The following PAK5 variants were observed in gnomAD, a reference collection of about 807,000 sequenced individuals.
PAK5 encodes the protein p21 (RAC1) activated kinase 5, also known as serine/threonine-protein kinase PAK 5.
Under a neutral mutation model 65.9 loss-of-function variants are expected in PAK5, and 16 were observed. That is an observed-to-expected ratio of 0.24 (90% confidence interval 0.16 to 0.37). The LOEUF is 0.37. PAK5 is among the 10% of genes least tolerant of loss of function. The pLI, the probability that PAK5 is intolerant of heterozygous loss-of-function variation, is 1.00. For synonymous variants in PAK5, 371 were observed against 354.9 expected (o/e 1.05, Z -0.51); for missense variants, 785 against 903.9 (o/e 0.87, Z 1.69).
Position 9,722,461 on chromosome 20 carries a change from A to C in PAK5, c.-161-11026T>G, listed in dbSNP as rs1046568853. On this transcript the variant is annotated intron_variant, in intron 1 of 9. Coordinates refer to ENST00000353224, the MANE Select transcript of PAK5 (RefSeq NM_177990.4). ...CCCCGTCTCTACTAAAACTACAAAA[A>C]ATTAGCTGGGCATGGTGGCGGGCGC... is the stretch of plus-strand genomic sequence containing the variant. Among the ~76,000 whole-genome samples, 50 of 151,804 alleles carry C rather than the reference A, an allele frequency of 3.3e-4. 1 individual carries two copies. The highest frequency in any genetic ancestry group is 1.2e-3 in the African/African-American group (49 of 41,412).
Position 9,539,088 on chromosome 20 carries a change from CT to C in PAK5, c.*373del, listed in dbSNP as rs556134977. 19,443 of 206,736 alleles carry C rather than the reference CT, an allele frequency of 0.094. 2 individuals are homozygous for C. The highest frequency in any genetic ancestry group is 0.19 in the Middle Eastern group (130 of 694). 12.8% of individuals were successfully genotyped at this position (206,736 alleles called of 1,614,324 possible). On this transcript the variant is annotated 3_prime_UTR_variant, in exon 10 of 10. Coordinates refer to ENST00000353224, the MANE Select transcript of PAK5 (RefSeq NM_177990.4). The stretch of plus-strand genomic sequence containing the variant: ...AAGTGCTTTTTGTTTTCCTTTCTTT[CT>C]TTTTTTTTTTTTTTTGCCAGAAAAG...
chr20:9,798,407 G>A (rs1664396126), intron 1 of PAK5, among the ~76,000 whole-genome samples: 1 of 152,120 alleles, frequency 6.6e-6, no homozygotes, highest in South Asian at 2.1e-4. Flanking sequence ...AGGATTCAAA[G>A]TACAGGGTTG....
intron 3 of PAK5, among the ~76,000 whole-genome samples, chr20:9,589,901 G>T (rs976770040): frequency 3.3e-5 from 5 of 151,962 alleles, no homozygotes; most frequent in Non-Finnish European, 7.4e-5. Context: ...GCAAACTTAG[G>T]TTACTCATAA....
At chr20:9,550,762 T>TGTGTG (rs2045415421) in intron 7 of PAK5, among the ~76,000 whole-genome samples, 2 of 107,722 alleles carry the variant, frequency 1.9e-5, no homozygotes, top group African/African-American at 9.9e-5. Flanking sequence ...GTGTGTGTGT[T>TGTGTG]TATTTCCAAA....
chr20:9,646,239 C>A (rs2047133233), intron 2 of PAK5, among the ~76,000 whole-genome samples: 1 of 152,178 alleles, frequency 6.6e-6, no homozygotes, highest in South Asian at 2.1e-4. Flanking sequence ...TCTTCCCATG[C>A]CTTCCAGTTT....
chr20:9,619,238 CTGT>C (rs1346192496), intron 3 of PAK5, among the ~76,000 whole-genome samples: 1 of 151,992 alleles, frequency 6.6e-6, no homozygotes, highest in Non-Finnish European at 1.5e-5. Flanking sequence ...CTATTGTTTA[CTGT>C]TGTTTTACTT....
chr20:9,806,510 T>C (rs1052864970), intron 1 of PAK5, among the ~76,000 whole-genome samples: 1 of 152,188 alleles, frequency 6.6e-6, no homozygotes, highest in African/African-American at 2.4e-5. Flanking sequence ...CCTATATCTA[T>C]ATCCCTTATT....
chr20:9,648,755 A>C (rs2047167179), intron 2 of PAK5, among the ~76,000 whole-genome samples: 1 of 152,230 alleles, frequency 6.6e-6, no homozygotes, highest in African/African-American at 2.4e-5. Flanking sequence ...ACAAGCTTTT[A>C]ATCACTTGTG....
chr20:9,605,165 G>A (rs2046430264), intron 3 of PAK5, among the ~76,000 whole-genome samples: 1 of 152,224 alleles, frequency 6.6e-6, no homozygotes, highest in East Asian at 1.9e-4. Flanking sequence ...GTCAAATGCA[G>A]GTCAGAGAAG....
At chr20:9,830,718 C>T (rs548984269) in intron 1 of PAK5, among the ~76,000 whole-genome samples, 115 of 152,344 alleles carry the variant, frequency 7.5e-4, no homozygotes, top group African/African-American at 2.7e-3. Context: ...CAACATGTCA[C>T]TACTGGCTCC....
chr20:9,782,290 G>A (rs2048948850), intron 1 of PAK5, among the ~76,000 whole-genome samples: 1 of 152,072 alleles, frequency 6.6e-6, no homozygotes, highest in African/African-American at 2.4e-5. Context: ...GGGCCATCCT[G>A]TTTATTACTG....
At chr20:9,556,062 TGGC>T (rs1304469970) in intron 7 of PAK5, among the ~76,000 whole-genome samples, 2 of 152,232 alleles carry the variant, frequency 1.3e-5, no homozygotes, top group African/African-American at 4.8e-5. Context: ...GCACAAATAC[TGGC>T]TCAGAGATAA....
rs2048093714 is a variant in PAK5 at position 9,712,803 on chromosome 20, C to T, written c.-161-1368G>A. On this transcript the variant is annotated intron_variant, in intron 1 of 9. Coordinates refer to ENST00000353224, the MANE Select transcript of PAK5 (RefSeq NM_177990.4). ...TGTTTAATAAATGATGCTAGGAAAA[C>T]CTGATATACATATACAGAAGAATGA... 2.0e-5 allele frequency among the ~76,000 whole-genome samples: 3 copies of T among 152,188 alleles called. 1 individual carries two copies. The South Asian group carries it at 6.2e-4, about 32-fold the overall frequency.
chr20:9,664,041 G>A (rs1043542709), intron 2 of PAK5, among the ~76,000 whole-genome samples: 19 of 152,138 alleles, frequency 1.2e-4, no homozygotes, highest in Non-Finnish European at 5.9e-5. Flanking sequence ...AGGCAGCTAC[G>A]AATAAGTGCA....
chr20:9,604,581 C>G (rs1302741842), intron 3 of PAK5, among the ~76,000 whole-genome samples: 1 of 152,184 alleles, frequency 6.6e-6, no homozygotes, highest in Non-Finnish European at 1.5e-5. Flanking sequence ...AGCCAGGTCT[C>G]TCTAGAGCCA....
At chr20:9,574,259 C>T (rs1264243041) in intron 4 of PAK5, among the ~76,000 whole-genome samples, 8 of 152,152 alleles carry the variant, frequency 5.3e-5, no homozygotes, top group Non-Finnish European at 1.2e-4. Context: ...GCTCATGACC[C>T]TACAAACTAG....
At chr20:9,827,858 G>C (rs574565726) in intron 1 of PAK5, among the ~76,000 whole-genome samples, 107 of 152,300 alleles carry the variant, frequency 7.0e-4, no homozygotes, top group African/African-American at 2.6e-3. Flanking sequence ...TAGAGACAGA[G>C]TCTTGCTTTG....
At chr20:9,641,133 G>A (rs537723957) in intron 3 of PAK5, among the ~76,000 whole-genome samples, 1 of 152,188 alleles carries the variant, frequency 6.6e-6, no homozygotes, top group South Asian at 2.1e-4. Context: ...CTCCCCATCA[G>A]ATTAGTTAGA....
chr20:9,685,402 T>G (rs1305002363), intron 2 of PAK5, among the ~76,000 whole-genome samples: 1 of 152,138 alleles, frequency 6.6e-6, no homozygotes, highest in Non-Finnish European at 1.5e-5. Flanking sequence ...CTGGTGGCCT[T>G]ATAGAAAAGG....
Sources: allele counts gnomAD v4.1 joint callset (sites outside exome capture counted in the v4.1 genomes callset), GRCh38; gene constraint gnomAD v4.1.1; transcripts MANE v1.5; gene names NCBI Gene and HGNC (gene_info 2026-07-23, HGNC 2026-07-21).